Variants in BAZ1A observed in about 807,000 individuals in gnomAD.
BAZ1A encodes bromodomain adjacent to zinc finger domain 1A.
Under a neutral mutation model 185.2 loss-of-function variants are expected in BAZ1A, and 50 were observed. The ratio of observed to expected loss-of-function variants is 0.27; its 90% CI spans 0.22 to 0.34. The LOEUF is 0.34. BAZ1A is among the 10% of genes least tolerant of loss of function. The probability of loss-of-function intolerance (pLI) is 1.00; values close to 1 mark genes in which losing one functional copy is unlikely to be tolerated. For synonymous variants in BAZ1A, 571 were observed against 615.6 expected (o/e 0.93, Z 1.07); for missense variants, 1,356 against 1,839.9 (o/e 0.74, Z 4.81).
At chr14:34,776,677 C>CT (rs1879637414) in intron 17 of BAZ1A, among the ~76,000 whole-genome samples, 162 bp from the exon 18 acceptor site, 1 of 152,150 alleles carries the variant, frequency 6.6e-6, no homozygotes, top group African/African-American at 2.4e-5. Flanking sequence ...TCCAATGTGA[C>CT]TGTATTTGGA....
At position 34,772,748 on chromosome 14, in the gene BAZ1A, C is replaced by T. The variant is rs112051708; in HGVS notation, c.3152+824G>A. Among the ~76,000 whole-genome samples, 491 of 152,040 alleles carry T rather than the reference C, an allele frequency of 3.2e-3. 3 individuals are homozygous for T. Among genetic ancestry groups the T allele is most frequent in the African/African-American group, 0.011 (471 of 41,502 alleles). The stretch of plus-strand genomic sequence containing the variant: ...AATAGATGGGACTACAAGTGCATGC[C>T]GGCCAGGCGTGGTGGCTCAGGCCTG... On this transcript the variant is annotated intron_variant, in intron 20 of 26. Transcript: ENST00000360310.
chr14:34,766,928 T>A (rs1878884625), intron 21 of BAZ1A, among the ~76,000 whole-genome samples: 1 of 152,232 alleles, frequency 6.6e-6, no homozygotes, highest in Non-Finnish European at 1.5e-5. Flanking sequence ...AACTTTAATA[T>A]GTTTTAAGAA....
intron 21 of BAZ1A, among the ~76,000 whole-genome samples, chr14:34,769,059 G>C (rs188337705): frequency 9.2e-5 from 14 of 152,216 alleles, no homozygotes; most frequent in African/African-American, 1.9e-4. Context: ...AATGACTTCT[G>C]AAGCTAAATT....
At chr14:34,768,854 T>C (rs1879028118) in intron 21 of BAZ1A, 2 of 283,216 alleles carry the variant, frequency 7.1e-6, no homozygotes, top group African/African-American at 4.6e-5. Context: ...AGTATGACTT[T>C]AAAAATAACA....
chr14:34,755,224 C>A (rs13379337), intron 25 of BAZ1A, among the ~76,000 whole-genome samples: 62,978 of 151,928 alleles, frequency 0.41, 13,666 homozygotes, highest in Non-Finnish European at 0.48. Flanking sequence ...ACAAAGTGTA[C>A]TTTAGGACAA....
chr14:34,783,766 C>A lies in BAZ1A; in HGVS notation c.1993G>T (p.Ala665Ser), dbSNP rs1880214350. The change falls in exon 15 of 27, where the codon GCC (alanine) becomes TCC (serine). Residue 665 changes from alanine to serine, a missense_variant. Around this residue, in one of 7 missense-constraint regions of BAZ1A, gnomAD observed 434 missense variants for 561.7 expected, o/e 0.77. Transcript: ENST00000360310. ...ACTATTACAATTATCTCTTACCTGG[C>A]AGCTGCTTCTTCCCTCTCTTTTCGA... ...QHRKEREEAA[A>S]RIRKRKEEKL... 1 of 1,603,136 alleles carries A rather than the reference C, an allele frequency of 6.2e-7. No individual in the cohort carries two copies. Among genetic ancestry groups the A allele is most frequent in the Admixed American group, 1.8e-5 (1 of 56,760 alleles).
chr14:34,790,586 T>G (rs983354882), intron 12 of BAZ1A, among the ~76,000 whole-genome samples: 7 of 152,072 alleles, frequency 4.6e-5, no homozygotes, highest in African/African-American at 1.4e-4. Context: ...ACTCCTGACC[T>G]TAAGTGATCT....
intron 4 of BAZ1A, among the ~76,000 whole-genome samples, chr14:34,816,096 T>TA: frequency 7.0e-6 from 1 of 142,800 alleles, no homozygotes; most frequent in Admixed American, 7.0e-5. Context: ...TTTTTTTTTT[T>TA]TTTTTTTTTG....
At chr14:34,864,910 G>T (rs1042048817) in intron 2 of BAZ1A, among the ~76,000 whole-genome samples, 18 of 151,836 alleles carry the variant, frequency 1.2e-4, no homozygotes, top group African/African-American at 4.4e-4. Flanking sequence ...CCAAGTAGCT[G>T]GGACTAAAGG....
At chr14:34,841,895 T>C (rs1358003227) in intron 3 of BAZ1A, among the ~76,000 whole-genome samples, 1 of 152,188 alleles carries the variant, frequency 6.6e-6, no homozygotes, top group South Asian at 2.1e-4. Flanking sequence ...GATACTTAAG[T>C]GGCTGAAATA....
intron 4 of BAZ1A, among the ~76,000 whole-genome samples, chr14:34,817,410 A>G (rs1416148980): frequency 2.0e-5 from 3 of 152,192 alleles, no homozygotes; most frequent in African/African-American, 7.2e-5. Flanking sequence ...CAACATGGCA[A>G]AACCCCATCT....
chr14:34,860,086 G>C (rs1188331984), intron 3 of BAZ1A, among the ~76,000 whole-genome samples: 1 of 152,064 alleles, frequency 6.6e-6, no homozygotes, highest in Non-Finnish European at 1.5e-5. Flanking sequence ...CCAATTCTAT[G>C]CTTAATTATT....
chr14:34,823,661 CA>C lies in BAZ1A; in HGVS notation c.536+2351del, dbSNP rs1019473398. ...GGGCAACAAGAGCGAAACTCCATCT[CA>C]AAAAAAAAATTTTTCAGATAAATAA... On this transcript the variant is annotated intron_variant, in intron 4 of 26. Coordinates refer to ENST00000360310, the MANE Select transcript of BAZ1A (RefSeq NM_013448.3). Among the ~76,000 whole-genome samples, 17 of 148,878 alleles carry C rather than the reference CA, an allele frequency of 1.1e-4. No individual in the cohort carries two copies. The South Asian group carries it at 3.4e-3, about 30-fold the overall frequency.
intron 4 of BAZ1A, among the ~76,000 whole-genome samples, chr14:34,818,239 G>A (rs1328871211): frequency 6.6e-6 from 1 of 152,150 alleles, no homozygotes; most frequent in Admixed American, 6.5e-5. Flanking sequence ...ATGCAAAAGG[G>A]CAAACATAAC....
chr14:34,860,538 A>C (rs1276476579), intron 3 of BAZ1A, among the ~76,000 whole-genome samples: 2 of 123,994 alleles, frequency 1.6e-5, no homozygotes, highest in Non-Finnish European at 3.5e-5. Flanking sequence ...AAAAAAAAGC[A>C]AAAAAAAAAA....
intron 3 of BAZ1A, among the ~76,000 whole-genome samples, chr14:34,860,123 A>G (rs972854775): frequency 1.3e-5 from 2 of 152,152 alleles, no homozygotes; most frequent in Non-Finnish European, 2.9e-5. Flanking sequence ...AGAGTTCCAT[A>G]GTTTTTTTGT....
chr14:34,805,149 G>T (rs1417332540), intron 6 of BAZ1A, among the ~76,000 whole-genome samples: 1 of 152,116 alleles, frequency 6.6e-6, no homozygotes, highest in Non-Finnish European at 1.5e-5. Context: ...GTTTCCTGAG[G>T]CCTCCCCAGA....
At chr14:34,799,549 C>A (rs751266906) in intron 9 of BAZ1A, among the ~76,000 whole-genome samples, 31 of 152,088 alleles carry the variant, frequency 2.0e-4, no homozygotes, top group Admixed American at 6.6e-5. Flanking sequence ...CACTGGAAAC[C>A]ACAATCAAAG....
In BAZ1A at chr14:34,782,767, A is replaced by G. The variant is rs1009504298; in HGVS notation, c.2111+352T>C. Among the ~76,000 whole-genome samples the G allele has an allele frequency of 4.3e-4, 66 of 152,210 alleles. 5 individuals are homozygous for G. The highest frequency in any genetic ancestry group is 4.0e-3 in the Admixed American group (61 of 15,288). ...CCTACTTGTTTTCATAGACAATCCT[A>G]TCTCAAATATTCTAAAATGCAATAA... On this transcript the variant is annotated intron_variant, in intron 16 of 26. Coordinates refer to ENST00000360310, the MANE Select transcript of BAZ1A (RefSeq NM_013448.3).
Sources: gnomAD v4.1 joint callset for allele counts (sites outside exome capture counted in the v4.1 genomes callset) on GRCh38, gnomAD v4.1.1 for gene constraint, gnomAD v4.1.1 regional missense constraint, MANE v1.5 for transcripts, NCBI Gene and HGNC (gene_info 2026-07-23, HGNC 2026-07-21) for gene names.